The following DGAT2L6 variants were observed in gnomAD, a reference collection of about 807,000 sequenced individuals.
The protein encoded by DGAT2L6 is diacylglycerol O-acyltransferase 2 like 6, also known as diacylglycerol O-acyltransferase 2-like protein 6.
DGAT2L6 carries 22 observed loss-of-function variants against 25.5 expected under a neutral mutation model. The ratio of observed to expected loss-of-function variants is 0.86; its 90% CI spans 0.62 to 1.23. The LOEUF (loss-of-function observed/expected upper bound fraction) is 1.23. DGAT2L6 is among the 50% of genes most tolerant of loss of function. DGAT2L6 has a pLI of 0.00. For missense variants in DGAT2L6, 287 were observed against 253.2 expected (o/e 1.13, Z -0.91); for synonymous variants, 100 against 94.7 (o/e 1.06, Z -0.32).
rs375786353 is a variant in DGAT2L6, at chrX:70,200,240, A to G, written c.268-15A>G. 42 of 1,204,373 alleles carry G rather than the reference A, an allele frequency of 3.5e-5. No individual in the cohort carries two copies. In the African/African-American group the frequency reaches 6.0e-4, roughly 17 times the overall value. ...TCTTTGTAGCCAATGCTCTGACTCA[A>G]TTTCCCTCTAACAGCTGGTGAAGAC... On this transcript the variant is annotated splice_polypyrimidine_tract_variant and intron_variant, in intron 3 of 6. Transcript: ENST00000333026.
chrX:70,205,625 G>A lies in DGAT2L6; in HGVS notation c.*519G>A, dbSNP rs1415140868. 1 of 112,081 alleles carries A rather than the reference G, an allele frequency of 8.9e-6. No homozygotes were observed. Among genetic ancestry groups the A allele is most frequent in the Non-Finnish European group, 1.9e-5 (1 of 53,639 alleles). 9.2% of individuals were successfully genotyped at this position (112,081 alleles called of 1,213,427 possible). ...GGTCCAAGCAGACAGGATTCCGTCA[G>A]TTGTGATAGAGTTCTAGATTGGCAA... is the stretch of plus-strand genomic sequence containing the variant. On this transcript the variant is annotated 3_prime_UTR_variant, in exon 7 of 7. Coordinates refer to ENST00000333026, the MANE Select transcript of DGAT2L6 (RefSeq NM_198512.3).
chrX:70,205,284 G>A lies in DGAT2L6; in HGVS notation c.*178G>A, dbSNP rs1474651600. ...CAATAGAGTCCTCTCCCAAGTGGCT[G>A]AGGCAGGCTTAGGGGAAAGAACCAG... On this transcript the variant is annotated 3_prime_UTR_variant, in exon 7 of 7. Coordinates refer to ENST00000333026, the MANE Select transcript of DGAT2L6 (RefSeq NM_198512.3). 3.1e-5 allele frequency: 17 copies of A among 553,288 alleles called. No individual in the cohort carries two copies. The Admixed American group carries it at 9.8e-4, about 32-fold the overall frequency. The allele number at this position is 553,288 out of a possible 1,213,427, so 45.6% of individuals were successfully genotyped here.
chrX:70,203,457 T>G (rs779100360), intron 5 of DGAT2L6, among the ~76,000 whole-genome samples: 14 of 112,044 alleles, frequency 1.2e-4, no homozygotes, highest in Non-Finnish European at 2.1e-4. Flanking sequence ...ACATCTGAAC[T>G]GTGAATTGAA....
At chrX:70,202,876 G>A (rs2085415615) in intron 5 of DGAT2L6, among the ~76,000 whole-genome samples, 4 of 111,513 alleles carry the variant, frequency 3.6e-5, no homozygotes, top group African/African-American at 1.3e-4. Context: ...TCTTTATAGG[G>A]GCTTGCAAGA....
rs189656294 is a variant in DGAT2L6 at position 70,204,511 on chromosome X, C to G, written c.854C>G (p.Thr285Ser). The G allele has an allele frequency of 8.3e-7, 1 of 1,208,027 alleles. No homozygotes were observed. The highest frequency in any genetic ancestry group is 3.0e-5 in the East Asian group (1 of 33,750). ...CTGCCTTTCAATCGGCCCATTACCA[C>G]TGTTGGTGAGCTTTCCCTTATCTCC... is the stretch of plus-strand genomic sequence containing the variant. ...GFLPFNRPIT[T>S]VVGEPLPIPR... The change falls in exon 6 of 7, where the codon ACT (threonine) becomes AGT (serine). Residue 285 changes from threonine to serine, a missense_variant. Physicochemically the swap from Thr to Ser is moderately conservative, Grantham distance 58. Transcript: ENST00000333026.
chrX:70,203,605 C>T (rs2085418279), intron 5 of DGAT2L6, among the ~76,000 whole-genome samples: 1 of 111,328 alleles, frequency 9.0e-6, no homozygotes, highest in African/African-American at 3.3e-5. Context: ...CTTTGATTGG[C>T]TTGCTGTCTA....
intron 6 of DGAT2L6, 40 bp from the exon 7 acceptor site, chrX:70,204,912 G>A (rs1159432852): frequency 8.8e-7 from 1 of 1,141,315 alleles, no homozygotes. Flanking sequence ...TTTGAGTTGA[G>A]GGGGGAACTC....
intron 4 of DGAT2L6, 25 bp from the exon 5 acceptor site, chrX:70,201,865 A>G: frequency 8.8e-7 from 1 of 1,139,402 alleles, no homozygotes; most frequent in Non-Finnish European, 1.2e-6. Flanking sequence ...AAGTTTTTCT[A>G]CCACTTGACT....
chrX:70,203,753 AG>A (rs1188621384), intron 5 of DGAT2L6, among the ~76,000 whole-genome samples: 4 of 111,083 alleles, frequency 3.6e-5, no homozygotes, highest in East Asian at 2.9e-4. Flanking sequence ...AGTTGCTTTA[AG>A]GGGATGAGAT....
At chrX:70,181,828 G>A (rs988005176) in intron 1 of DGAT2L6, among the ~76,000 whole-genome samples, 1 of 111,625 alleles carries the variant, frequency 9.0e-6, no homozygotes, top group African/African-American at 3.3e-5. Context: ...GGGAATCACC[G>A]TGGAATGGCA....
chrX:70,201,239 G>A (rs752291893), intron 4 of DGAT2L6, among the ~76,000 whole-genome samples: 1 of 112,487 alleles, frequency 8.9e-6, no homozygotes, highest in African/African-American at 3.2e-5. Context: ...ACTTCTCAAT[G>A]GCTAGAGTCT....
At chrX:70,191,527 A>T (rs2085375543) in intron 1 of DGAT2L6, among the ~76,000 whole-genome samples, 1 of 111,933 alleles carries the variant, frequency 8.9e-6, no homozygotes, top group Non-Finnish European at 1.9e-5. Context: ...CCTATGGGAC[A>T]CAATAAGCAA....
At chrX:70,181,222 T>G (rs2085342207) in intron 1 of DGAT2L6, among the ~76,000 whole-genome samples, 1 of 112,617 alleles carries the variant, frequency 8.9e-6, no homozygotes, top group Non-Finnish European at 1.9e-5. Flanking sequence ...CTTCTTATTT[T>G]CTGTTTTTTA....
At chrX:70,202,526 A>C (rs1400190640) in intron 5 of DGAT2L6, among the ~76,000 whole-genome samples, 2 of 112,303 alleles carry the variant, frequency 1.8e-5, no homozygotes, top group Admixed American at 9.4e-5. Flanking sequence ...TATCAGGCAT[A>C]GTACTAGGCA....
intron 2 of DGAT2L6, 100 bp from the exon 3 acceptor site, chrX:70,199,712 T>A (rs1569206550): frequency 3.8e-6 from 3 of 791,959 alleles, no homozygotes; most frequent in Non-Finnish European, 5.5e-6. Context: ...AGGAGGCCCC[T>A]CACGTGACCT....
At chrX:70,187,452 T>A (rs1299159485) in intron 1 of DGAT2L6, among the ~76,000 whole-genome samples, 1 of 111,020 alleles carries the variant, frequency 9.0e-6, no homozygotes, top group Non-Finnish European at 1.9e-5. Flanking sequence ...CTAACCCTTC[T>A]AAGCCAGGGT....
intron 1 of DGAT2L6, among the ~76,000 whole-genome samples, chrX:70,183,959 G>T (rs1033644847): frequency 9.0e-6 from 1 of 111,123 alleles, no homozygotes; most frequent in Admixed American, 9.5e-5. Flanking sequence ...GGGCTCCTTT[G>T]AGCCTAAGAG....
chrX:70,200,487 T>A, intron 4 of DGAT2L6, 28 bp downstream of exon 4: 1 of 1,171,362 alleles, frequency 8.5e-7, no homozygotes, highest in Non-Finnish European at 1.2e-6. Flanking sequence ...TTAATTCTAT[T>A]TTTTTACCTA....
At chrX:70,203,098 G>T (rs2085416572) in intron 5 of DGAT2L6, among the ~76,000 whole-genome samples, 1 of 111,805 alleles carries the variant, frequency 8.9e-6, no homozygotes, top group South Asian at 3.7e-4. Flanking sequence ...TCAAGTCTTT[G>T]CTCAAATGTC....
Sources: gnomAD v4.1 joint callset for allele counts (sites outside exome capture counted in the v4.1 genomes callset) on GRCh38, gnomAD v4.1.1 for gene constraint, MANE v1.5 for transcripts, NCBI Gene and HGNC (gene_info 2026-07-23, HGNC 2026-07-21) for gene names.